TNRC6A: variants seen among roughly 807,000 people sequenced by gnomAD.
TNRC6A encodes trinucleotide repeat containing adaptor 6A.
Under a neutral mutation model 221.2 loss-of-function variants are expected in TNRC6A, and 44 were observed. The ratio of observed to expected loss-of-function variants is 0.20; its 90% CI spans 0.16 to 0.26. The LOEUF is 0.26. Ranked by LOEUF, TNRC6A falls within the 10% of genes least tolerant of loss-of-function variation. The pLI, the probability that TNRC6A is intolerant of heterozygous loss-of-function variation, is 1.00. For missense variants in TNRC6A, 2,199 were observed against 2,404.4 expected, an observed-to-expected ratio of 0.91 and a Z score of 1.79; for synonymous variants, 847 against 838.5, an observed-to-expected ratio of 1.01 and a Z score of -0.18.
At chr16:24,664,812 C>CACACAA (rs747146748) in intron 2 of TNRC6A, 48 of 439,670 alleles carry the variant, frequency 1.1e-4, no homozygotes, top group African/African-American at 8.2e-4. Context: ...CACACACACA[C>CACACAA]AAAACCTATA....
intron 2 of TNRC6A, among the ~76,000 whole-genome samples, chr16:24,642,688 C>T (rs1458133764): frequency 1.3e-5 from 2 of 151,976 alleles, no homozygotes; most frequent in Non-Finnish European, 2.9e-5. Context: ...GGCATGGTGG[C>T]ACGTGCCTGT....
At chr16:24,650,897 A>T (rs1180656963) in intron 2 of TNRC6A, among the ~76,000 whole-genome samples, 1 of 152,216 alleles carries the variant, frequency 6.6e-6, no homozygotes, top group Admixed American at 6.5e-5. Context: ...TTAAAATTTT[A>T]AAAATTAAGG....
At chr16:24,625,409 C>T (rs191035579) in intron 1 of TNRC6A, among the ~76,000 whole-genome samples, 58 of 152,128 alleles carry the variant, frequency 3.8e-4, no homozygotes, top group African/African-American at 1.4e-3. Flanking sequence ...GTCAGGAGTT[C>T]GAGACCAGCC....
intron 2 of TNRC6A, among the ~76,000 whole-genome samples, chr16:24,708,279 C>T (rs1199834061): frequency 6.8e-6 from 1 of 146,928 alleles, no homozygotes; most frequent in Non-Finnish European, 1.5e-5. Flanking sequence ...CTCGCTCTGT[C>T]GCCCAGGCTG....
chr16:24,810,793 A>G (rs922493263), intron 18 of TNRC6A, among the ~76,000 whole-genome samples: 2 of 152,216 alleles, frequency 1.3e-5, no homozygotes, highest in Non-Finnish European at 2.9e-5. Flanking sequence ...GGGTGCCTAG[A>G]GGCAGTTAAG....
At chr16:24,815,809 C>CAT in intron 19 of TNRC6A, 1 of 163,812 alleles carries the variant, frequency 6.1e-6, no homozygotes, top group Non-Finnish European at 1.4e-5. Flanking sequence ...GCCGAAATTG[C>CAT]GCCACTGCAC....
chr16:24,741,886 G>GA (rs1260696943), intron 2 of TNRC6A, among the ~76,000 whole-genome samples: 1 of 152,044 alleles, frequency 6.6e-6, no homozygotes, highest in East Asian at 1.9e-4. Context: ...GCCTAGGCTG[G>GA]AATACAGTGG....
At chr16:24,621,705 C>T (rs1028100089) in intron 1 of TNRC6A, among the ~76,000 whole-genome samples, 7 of 152,160 alleles carry the variant, frequency 4.6e-5, no homozygotes, top group Admixed American at 3.3e-4. Flanking sequence ...ATATGTGTAA[C>T]GTGTGCATTT....
In TNRC6A at chr16:24,686,021, T is replaced by C. The variant is rs552058757; in HGVS notation, n.402+45012T>C. 3.9e-5 allele frequency among the ~76,000 whole-genome samples: 6 copies of C among 152,272 alleles called. No homozygotes were observed. In the East Asian group the frequency reaches 1.2e-3, roughly 29 times the overall value. ...ATTCAGCCCTTAGTGCTGAGGATGT[T>C]GAGGGGCCTTGGAGGAGAGCCCACT... On this transcript the variant is annotated intron_variant and non_coding_transcript_variant, in intron 2 of 2. Coordinates refer to the TNRC6A transcript ENST00000566108.
chr16:24,663,913 C>T (rs1824064383), intron 2 of TNRC6A: 1 of 456,522 alleles, frequency 2.2e-6, no homozygotes, highest in African/African-American at 2.0e-5. Context: ...ATATTTTAAG[C>T]CGTTAGCAGT....
At chr16:24,807,093 C>T (rs1373822899) in intron 17 of TNRC6A, among the ~76,000 whole-genome samples, 1 of 151,810 alleles carries the variant, frequency 6.6e-6, no homozygotes, top group Non-Finnish European at 1.5e-5. Context: ...GCAACCTCTG[C>T]CTCCCGGGTT....
intron 2 of TNRC6A, among the ~76,000 whole-genome samples, chr16:24,739,769 G>A (rs1004615383): frequency 6.6e-6 from 1 of 152,122 alleles, no homozygotes; most frequent in Non-Finnish European, 1.5e-5. Context: ...ATGAGCCACC[G>A]CATGCAGCCT....
chr16:24,651,948 A>T (rs570206464), intron 2 of TNRC6A, among the ~76,000 whole-genome samples: 1 of 150,986 alleles, frequency 6.6e-6, no homozygotes, highest in South Asian at 2.1e-4. Context: ...AAAAAAAAAA[A>T]TTAATTAAAA....
At position 24,707,702 on chromosome 16, in the gene TNRC6A, C is replaced by A. The variant is rs138662633; in HGVS notation, n.403-43024C>A. ...TAAAAACACACAAAAAATTTCTCAA[C>A]CTTACTAGTGACTAAAGACATACAA... On this transcript the variant is annotated intron_variant and non_coding_transcript_variant, in intron 2 of 2. Transcript: ENST00000566108. Among the ~76,000 whole-genome samples the A allele has an allele frequency of 4.2e-3, 645 of 152,232 alleles. 3 individuals are homozygous for A. The highest frequency in any genetic ancestry group is 0.015 in the African/African-American group (622 of 41,548).
At position 24,693,650 on chromosome 16, in the gene TNRC6A, A is replaced by G. The variant is rs1389172072; in HGVS notation, n.402+52641A>G. Among the ~76,000 whole-genome samples, 7 of 152,152 alleles carry G rather than the reference A, an allele frequency of 4.6e-5. No homozygotes were observed. In the East Asian group the frequency reaches 1.3e-3, roughly 29 times the overall value. ...CATGGTGTCATGCACCTGTCATCCT[A>G]GCTACTCAGGAGACTGAGATGGAAG... On this transcript the variant is annotated intron_variant and non_coding_transcript_variant, in intron 2 of 2. Transcript: ENST00000566108.
At chr16:24,646,852 G>A (rs891604824) in intron 2 of TNRC6A, among the ~76,000 whole-genome samples, 4 of 152,004 alleles carry the variant, frequency 2.6e-5, no homozygotes, top group East Asian at 1.9e-4. Flanking sequence ...GCTTTAATAC[G>A]TTCTTTCATT....
At chr16:24,671,149 T>A (rs749275961) in intron 2 of TNRC6A, 2 of 221,506 alleles carry the variant, frequency 9.0e-6, no homozygotes, top group South Asian at 8.7e-5. Flanking sequence ...GCTCCCTGGG[T>A]GGACATGACA....
chr16:24,727,931 T>C (rs976929632), upstream of TNRC6A, among the ~76,000 whole-genome samples: 3 of 151,976 alleles, frequency 2.0e-5, no homozygotes, highest in African/African-American at 7.3e-5. Flanking sequence ...CCTGATTTTT[T>C]TTTTCAAAAA....
intron 2 of TNRC6A, among the ~76,000 whole-genome samples, chr16:24,745,027 T>C (rs900991462): frequency 1.3e-5 from 2 of 152,210 alleles, no homozygotes; most frequent in Non-Finnish European, 2.9e-5. Flanking sequence ...ATTTTATGGA[T>C]ATATCCATTT....
Sources: allele counts gnomAD v4.1 joint callset (sites outside exome capture counted in the v4.1 genomes callset), GRCh38; gene constraint gnomAD v4.1.1; transcripts MANE v1.5; gene names NCBI Gene and HGNC (gene_info 2026-07-23, HGNC 2026-07-21).